The following LSAMP variants were observed in gnomAD, a reference collection of about 807,000 sequenced individuals.
The protein encoded by LSAMP is limbic system associated membrane protein, also known as limbic system-associated membrane protein.
In LSAMP, 7 loss-of-function variants were observed where a neutral mutation model predicts 38.6. The ratio of observed to expected loss-of-function variants is 0.18; its 90% CI spans 0.10 to 0.34. LSAMP has a LOEUF of 0.34. LSAMP is among the 10% of genes least tolerant of loss of function. LSAMP has a pLI of 1.00. For synonymous variants in LSAMP, 154 were observed against 166.8 expected (o/e 0.92, Z 0.59); for missense variants, 313 against 420.0 (o/e 0.75, Z 2.23).
intron 1 of LSAMP, among the ~76,000 whole-genome samples, chr3:116,199,164 AT>A (rs765038768): frequency 2.3e-3 from 330 of 145,338 alleles, no homozygotes; most frequent in Middle Eastern, 3.6e-3. Flanking sequence ...TTTGCTTGTG[AT>A]TTTTTTTTTT....
chr3:116,083,165 G>A (rs1707909199), intron 2 of LSAMP, among the ~76,000 whole-genome samples: 2 of 152,116 alleles, frequency 1.3e-5, no homozygotes, highest in African/African-American at 4.8e-5. Flanking sequence ...AATAGGCAAC[G>A]AGTGAAAGCG....
intron 2 of LSAMP, among the ~76,000 whole-genome samples, chr3:116,036,043 G>C (rs988481837): frequency 2.6e-5 from 4 of 152,164 alleles, no homozygotes; most frequent in African/African-American, 9.6e-5. Context: ...CGTAACAGAG[G>C]CATGCATAAA....
intron 1 of LSAMP, among the ~76,000 whole-genome samples, chr3:116,144,562 C>CTTTTT (rs3071080): frequency 1.4e-5 from 2 of 142,146 alleles, no homozygotes; most frequent in African/African-American, 2.6e-5. Context: ...CATCACCTTA[C>CTTTTT]TTTTTTTTTT....
chr3:115,805,123 A>T lies in LSAMP; in HGVS notation c.*5194T>A, dbSNP rs1229011392. 6.6e-6 allele frequency: 1 copy of T among 152,200 alleles called. No individual in the cohort carries two copies. The highest frequency in any genetic ancestry group is 1.5e-5 in the Non-Finnish European group (1 of 68,038). The allele number at this position is 152,200 out of a possible 1,614,324, so 9.4% of individuals were successfully genotyped here. ...AAGGAGTAAAAAGAAGATAGCTGGG[A>T]GTGGATACAGCAGACATATAGCCCT... On this transcript the variant is annotated 3_prime_UTR_variant, in exon 7 of 7. Coordinates refer to ENST00000490035, the MANE Select transcript of LSAMP (RefSeq NM_002338.5).
chr3:115,830,848 G>A (rs1473194772), intron 6 of LSAMP, among the ~76,000 whole-genome samples: 2 of 152,144 alleles, frequency 1.3e-5, no homozygotes, highest in Non-Finnish European at 2.9e-5. Context: ...GGAATGCCAG[G>A]TGAGGGCAGG....
chr3:116,163,010 G>A (rs1271177933), intron 1 of LSAMP, among the ~76,000 whole-genome samples: 1 of 151,968 alleles, frequency 6.6e-6, no homozygotes, highest in African/African-American at 2.4e-5. Context: ...ACTAGAAAGA[G>A]CTTGGGAAAG....
intron 1 of LSAMP, among the ~76,000 whole-genome samples, chr3:116,310,914 G>GTT (rs35763101): frequency 3.5e-5 from 1 of 28,560 alleles, no homozygotes. Flanking sequence ...ATGATAAGTT[G>GTT]TTTTTTTTTT....
chr3:115,819,777 C>A (rs911954536), intron 6 of LSAMP, among the ~76,000 whole-genome samples: 1 of 152,218 alleles, frequency 6.6e-6, no homozygotes, highest in East Asian at 1.9e-4. Context: ...AAATCAACTT[C>A]TTTGTGAAAT....
intron 6 of LSAMP, among the ~76,000 whole-genome samples, chr3:115,821,701 G>A (rs913270595): frequency 3.3e-5 from 5 of 152,190 alleles, no homozygotes; most frequent in African/African-American, 9.6e-5. Flanking sequence ...AAGTGGGACA[G>A]GAAAAGGTCC....
chr3:116,106,820 A>G (rs1047304739), intron 1 of LSAMP, among the ~76,000 whole-genome samples: 3 of 152,160 alleles, frequency 2.0e-5, no homozygotes, highest in Non-Finnish European at 2.9e-5. Context: ...GGCATGTTGA[A>G]TAAAGCTAAT....
At chr3:116,317,750 AAG>A (rs1488428121) in intron 1 of LSAMP, among the ~76,000 whole-genome samples, 1 of 152,134 alleles carries the variant, frequency 6.6e-6, no homozygotes, top group Non-Finnish European at 1.5e-5. Context: ...GTAGCAAGAA[AAG>A]AGGTTTCTAA....
At chr3:116,434,356 C>T (rs2049319230) in intron 1 of LSAMP, among the ~76,000 whole-genome samples, 1 of 152,162 alleles carries the variant, frequency 6.6e-6, no homozygotes, top group South Asian at 2.1e-4. Context: ...GCCTATATTT[C>T]AGGCAAGACA....
chr3:116,143,169 C>A (rs1260001323), intron 1 of LSAMP, among the ~76,000 whole-genome samples: 1 of 151,692 alleles, frequency 6.6e-6, no homozygotes. Context: ...GTTAGAAACG[C>A]CTTACAGGCA....
At chr3:116,379,088 C>T (rs1425721551) in intron 1 of LSAMP, among the ~76,000 whole-genome samples, 1 of 151,602 alleles carries the variant, frequency 6.6e-6, no homozygotes, top group Non-Finnish European at 1.5e-5. Context: ...AGTCTACGGG[C>T]ATTCTGAATG....
intron 1 of LSAMP, among the ~76,000 whole-genome samples, chr3:116,376,459 A>G (rs2048494409): frequency 6.6e-6 from 1 of 152,070 alleles, no homozygotes; most frequent in African/African-American, 2.4e-5. Context: ...AGGAGATTGC[A>G]GTGGGATTCA....
chr3:116,126,804 G>T (rs1245674197), intron 1 of LSAMP, among the ~76,000 whole-genome samples: 2 of 152,196 alleles, frequency 1.3e-5, no homozygotes, highest in Admixed American at 1.3e-4. Context: ...CAAGGTTGCA[G>T]TGAGCTGAGA....
chr3:116,324,999 T>C (rs969660814), intron 1 of LSAMP, among the ~76,000 whole-genome samples: 10 of 151,986 alleles, frequency 6.6e-5, no homozygotes, highest in Admixed American at 2.6e-4. Flanking sequence ...TTATTCAAGA[T>C]GATATCTTTA....
At chr3:116,039,261 T>A (rs1287019182) in intron 2 of LSAMP, among the ~76,000 whole-genome samples, 2 of 152,228 alleles carry the variant, frequency 1.3e-5, no homozygotes, top group Non-Finnish European at 2.9e-5. Context: ...AAAGATGGTG[T>A]TTCCCCCTCC....
intron 3 of LSAMP, among the ~76,000 whole-genome samples, chr3:115,864,318 C>G (rs1935797089): frequency 6.6e-6 from 1 of 152,184 alleles, no homozygotes; most frequent in African/African-American, 2.4e-5. Context: ...CAGTTCCCAG[C>G]TGGGACTAAA....
Sources: gnomAD v4.1 joint callset for allele counts (sites outside exome capture counted in the v4.1 genomes callset) on GRCh38, gnomAD v4.1.1 for gene constraint, MANE v1.5 for transcripts, NCBI Gene and HGNC (gene_info 2026-07-23, HGNC 2026-07-21) for gene names.